Variants in CNIH3 observed in about 807,000 individuals in gnomAD.
CNIH3 encodes protein cornichon homolog 3.
A neutral mutation model predicts 24.1 loss-of-function variants in CNIH3; 14 were observed. The observed-to-expected ratio is 0.58, with a 90% CI of 0.38 to 0.91. The LOEUF (loss-of-function observed/expected upper bound fraction) is 0.91, where lower values mean the gene tolerates loss of function less well. CNIH3 is among the 40% of genes least tolerant of loss of function. The probability of loss-of-function intolerance (pLI) is 0.00; values close to 1 mark genes in which losing one functional copy is unlikely to be tolerated. For synonymous variants in CNIH3, 68 were observed against 73.8 expected (o/e 0.92, Z 0.40); for missense variants, 178 against 196.8 (o/e 0.90, Z 0.57).
chr1:224,691,601 C>G (rs905358850), intron 3 of CNIH3, among the ~76,000 whole-genome samples: 2 of 152,222 alleles, frequency 1.3e-5, no homozygotes, highest in Admixed American at 1.3e-4. Flanking sequence ...GCCAACCATC[C>G]TTTAGATGTG....
chr1:224,456,400 C>T (rs140367102), intron 1 of CNIH3, among the ~76,000 whole-genome samples: 3 of 152,194 alleles, frequency 2.0e-5, no homozygotes, highest in African/African-American at 7.2e-5. Context: ...AAAGATTCCC[C>T]TTTCTTTTCT....
At chr1:224,509,393 T>A (rs1678049451) in intron 1 of CNIH3, among the ~76,000 whole-genome samples, 1 of 152,036 alleles carries the variant, frequency 6.6e-6, no homozygotes, top group African/African-American at 2.4e-5. Flanking sequence ...GGTGGTGGTT[T>A]GTTTACTGGC....
chr1:224,557,528 C>G (rs529775893), intron 3 of CNIH3, among the ~76,000 whole-genome samples: 1 of 152,126 alleles, frequency 6.6e-6, no homozygotes, highest in Non-Finnish European at 1.5e-5. Flanking sequence ...TACAGCAGCA[C>G]GATCTCAGCT....
At chr1:224,540,439 C>T (rs1314318553), downstream of CNIH3, among the ~76,000 whole-genome samples, 1 of 152,184 alleles carries the variant, frequency 6.6e-6, no homozygotes, top group African/African-American at 2.4e-5. Flanking sequence ...CATTTTTAGA[C>T]TCTCCAATAT....
At chr1:224,471,743 C>A (rs571319122) in intron 1 of CNIH3, among the ~76,000 whole-genome samples, 20 of 152,208 alleles carry the variant, frequency 1.3e-4, no homozygotes, top group African/African-American at 3.9e-4. Context: ...GTACCTGCCA[C>A]CATGCCTGGC....
intron 3 of CNIH3, among the ~76,000 whole-genome samples, chr1:224,692,502 T>C (rs1686979782): frequency 6.6e-6 from 1 of 152,178 alleles, no homozygotes; most frequent in South Asian, 2.1e-4. Context: ...AAGGCAGTTG[T>C]GTGGAGTGCC....
chr1:224,618,914 T>C (rs1454115199), intron 1 of CNIH3, among the ~76,000 whole-genome samples: 1 of 152,216 alleles, frequency 6.6e-6, no homozygotes, highest in Admixed American at 6.5e-5. Context: ...CTTACCTGAT[T>C]TAGAATAGAA....
intron 1 of CNIH3, chr1:224,434,989 G>C (rs1330781153): frequency 1.0e-6 from 1 of 985,360 alleles, no homozygotes; most frequent in African/African-American, 1.7e-5. Flanking sequence ...ACTCCTATCC[G>C]ATCCTATCCC....
chr1:224,475,230 C>A, intron 1 of CNIH3, among the ~76,000 whole-genome samples: 1 of 150,464 alleles, frequency 6.6e-6, no homozygotes, highest in East Asian at 1.9e-4. Flanking sequence ...GCTGCATGCG[C>A]CTGTAGTCCC....
At chr1:224,559,936 A>C (rs1486944703) in intron 3 of CNIH3, among the ~76,000 whole-genome samples, 1 of 152,172 alleles carries the variant, frequency 6.6e-6, no homozygotes, top group African/African-American at 2.4e-5. Context: ...CCACCTAAGT[A>C]TGAATCCCTA....
chr1:224,462,287 G>A (rs1011339451), intron 1 of CNIH3, among the ~76,000 whole-genome samples: 6 of 152,144 alleles, frequency 3.9e-5, no homozygotes, highest in African/African-American at 1.4e-4. Context: ...ATCCACCATC[G>A]TAGTGTTGTA....
intron 4 of CNIH3, chr1:224,575,438 T>A: frequency 1.2e-6 from 1 of 866,304 alleles, no homozygotes; most frequent in Non-Finnish European, 1.8e-6. Flanking sequence ...GTGTTTTCTG[T>A]CTCATTTTTT....
chr1:224,454,806 G>A (rs1378156725), intron 1 of CNIH3, among the ~76,000 whole-genome samples: 3 of 152,074 alleles, frequency 2.0e-5, no homozygotes, highest in African/African-American at 2.4e-5. Flanking sequence ...AGGTGGAGTC[G>A]CTTGTGGAAG....
At chr1:224,460,158 C>T (rs1041257100) in intron 1 of CNIH3, among the ~76,000 whole-genome samples, 4 of 152,076 alleles carry the variant, frequency 2.6e-5, no homozygotes, top group African/African-American at 9.7e-5. Flanking sequence ...TCCCAGGGTG[C>T]TAGGATTACA....
At chr1:224,452,851 T>C (rs1675480250) in intron 1 of CNIH3, among the ~76,000 whole-genome samples, 2 of 146,612 alleles carry the variant, frequency 1.4e-5, no homozygotes, top group Admixed American at 6.9e-5. Context: ...CCAGGTGCGG[T>C]GGCTCGTGCC....
At chr1:224,694,530 T>C (rs1687075911) in intron 3 of CNIH3, among the ~76,000 whole-genome samples, 1 of 152,214 alleles carries the variant, frequency 6.6e-6, no homozygotes. Flanking sequence ...TGCCTAGATA[T>C]GTGATCAAAC....
chr1:224,680,057 C>A (rs554696309), intron 1 of CNIH3, among the ~76,000 whole-genome samples: 1 of 152,284 alleles, frequency 6.6e-6, no homozygotes, highest in East Asian at 1.9e-4. Flanking sequence ...GATCCAACCG[C>A]CTCGGCCTCT....
chr1:224,447,155 A>G (rs1313339067), intron 1 of CNIH3, among the ~76,000 whole-genome samples: 2 of 152,148 alleles, frequency 1.3e-5, no homozygotes, highest in Non-Finnish European at 2.9e-5. Context: ...AAGCCCCTCA[A>G]TAGGGTGCAT....
intron 2 of CNIH3, among the ~76,000 whole-genome samples, chr1:224,525,205 A>G (rs7512165): frequency 0.067 from 10,263 of 152,272 alleles, 1,117 homozygotes; most frequent in African/African-American, 0.23. Context: ...TGAGAATCTT[A>G]TAATTGCGAC....
Sources: gnomAD v4.1 joint callset for allele counts (sites outside exome capture counted in the v4.1 genomes callset) on GRCh38, gnomAD v4.1.1 for gene constraint, MANE v1.5 for transcripts, NCBI Gene and HGNC (gene_info 2026-07-23, HGNC 2026-07-21) for gene names.